The following DYNC2I1 variants were observed in gnomAD, a reference collection of about 807,000 sequenced individuals.
DYNC2I1 encodes the protein cytoplasmic dynein 2 intermediate chain 1.
In DYNC2I1, 89 loss-of-function variants were observed where a neutral mutation model predicts 133.4. That is an observed-to-expected ratio of 0.67 (90% CI 0.56 to 0.80). The LOEUF (loss-of-function observed/expected upper bound fraction) is 0.80. DYNC2I1 is among the 30% of genes least tolerant of loss of function. DYNC2I1 has a pLI of 0.00. For missense variants in DYNC2I1, 1,291 were observed against 1,314.5 expected (o/e 0.98, Z 0.28); for synonymous variants, 504 against 484.3 (o/e 1.04, Z -0.54).
intron 3 of DYNC2I1, among the ~76,000 whole-genome samples, chr7:158,873,784 TCTCA>T (rs1455796778): frequency 6.6e-6 from 1 of 151,884 alleles, no homozygotes; most frequent in Non-Finnish European, 1.5e-5. Context: ...GGAGATAGAG[TCTCA>T]CTCTGTTGCC....
chr7:158,951,893 T>C (rs988230844), intron 4 of DYNC2I1, among the ~76,000 whole-genome samples: 9 of 152,042 alleles, frequency 5.9e-5, no homozygotes, highest in African/African-American at 2.2e-4. Context: ...TCCAGGGAGT[T>C]TTAGAAGGAT....
At chr7:158,844,140 C>A in the DYNC2I1 span, among the ~76,000 whole-genome samples, 1 of 152,190 alleles carries the variant, frequency 6.6e-6, no homozygotes, top group Non-Finnish European at 1.5e-5. Context: ...CTCTCTCTCT[C>A]GTTTTTCTTT....
intron 1 of DYNC2I1, among the ~76,000 whole-genome samples, chr7:158,860,457 T>A (rs1841772201): frequency 6.6e-6 from 1 of 152,238 alleles, no homozygotes; most frequent in African/African-American, 2.4e-5. Flanking sequence ...AATAGTTTTA[T>A]GTTCTTTATT....
chr7:158,858,677 C>A (rs1841551902), intron 1 of DYNC2I1, among the ~76,000 whole-genome samples: 1 of 152,090 alleles, frequency 6.6e-6, no homozygotes, highest in Non-Finnish European at 1.5e-5. Context: ...AAATTGTTTT[C>A]TAGACATGCA....
intron 23 of DYNC2I1, among the ~76,000 whole-genome samples, chr7:158,939,597 A>G (rs1851119687): frequency 1.3e-5 from 2 of 152,224 alleles, no homozygotes; most frequent in Admixed American, 6.5e-5. Context: ...AAGCAACAAA[A>G]TGGCAGTAGA....
At chr7:158,869,797 A>G in intron 1 of DYNC2I1, 58 bp from the exon 2 acceptor site, 10 of 1,390,416 alleles carry the variant, frequency 7.2e-6, no homozygotes, top group Non-Finnish European at 9.9e-6. Flanking sequence ...AAAGCAGCTC[A>G]CTACAACACT....
Position 158,926,294 on chromosome 7 carries a change from C to G in DYNC2I1, c.2365C>G (p.Gln789Glu). Residue 789 changes from glutamine to glutamate, a missense_variant, in exon 18 of 25, where the codon CAA (glutamine) becomes GAA (glutamate). Coordinates refer to ENST00000407559, the MANE Select transcript of DYNC2I1 (RefSeq NM_018051.5). ...CTTTGTGCTTTCACCCTTTTCTACT[C>G]AAGAAGGTACGTGATTCTTCACTTT... ...QSFVLSPFST[Q>E]EEMSGLSFHI... 6.2e-7 allele frequency: 1 copy of G among 1,610,846 alleles called. No individual in the cohort carries two copies. The highest frequency in any genetic ancestry group is 1.3e-5 in the African/African-American group (1 of 75,028).
At chr7:158,866,664 C>T (rs1460222364) in intron 1 of DYNC2I1, among the ~76,000 whole-genome samples, 2 of 151,648 alleles carry the variant, frequency 1.3e-5, no homozygotes, top group African/African-American at 2.4e-5. Flanking sequence ...GTGGGGGGCT[C>T]ACCTGAGGTT....
Position 158,927,512 on chromosome 7 carries a change from C to T in DYNC2I1, c.2485+469C>T, listed in dbSNP as rs191210834. 1.9e-4 allele frequency among the ~76,000 whole-genome samples: 28 copies of T among 150,516 alleles called. No homozygotes were observed. The East Asian group carries it at 1.9e-3, about 10-fold the overall frequency. ...TCATATAACCTTATAAACTGTTGAA[C>T]GGGCATCTCAATTAACTAGAATAAT... is the stretch of plus-strand genomic sequence containing the variant. On this transcript the variant is annotated intron_variant, in intron 20 of 24. Coordinates refer to ENST00000407559, the MANE Select transcript of DYNC2I1 (RefSeq NM_018051.5).
intron 14 of DYNC2I1, among the ~76,000 whole-genome samples, chr7:158,915,412 T>C (rs1260498517): frequency 7.9e-6 from 1 of 126,290 alleles, no homozygotes; most frequent in Non-Finnish European, 1.8e-5. Context: ...TTAAGGATGA[T>C]TGTGAAACGT....
chr7:158,856,510 G>A (rs866881384), upstream of DYNC2I1: 15 of 405,964 alleles, frequency 3.7e-5, 1 homozygote, highest in Middle Eastern at 1.9e-3. Context: ...GCCTTCCCCT[G>A]CTCCTGCCTG....
intron 7 of DYNC2I1, among the ~76,000 whole-genome samples, chr7:158,887,688 G>T (rs374392206): frequency 6.6e-6 from 1 of 152,218 alleles, no homozygotes; most frequent in East Asian, 1.9e-4. Flanking sequence ...TTGTGTTACA[G>T]ATCTCCCCAC....
intron 23 of DYNC2I1, among the ~76,000 whole-genome samples, chr7:158,937,622 G>GAAAAAAAAAAAAAAAAAAAAAAAA (rs71189438): frequency 9.1e-5 from 10 of 109,448 alleles, no homozygotes; most frequent in African/African-American, 1.1e-4. Context: ...ACTGTCTCAA[G>GAAAAAAAAAAAAAAAAAAAAAAAA]AAAAAAAAAA....
the DYNC2I1 span, among the ~76,000 whole-genome samples, chr7:158,843,095 T>TTTTG: frequency 6.6e-6 from 1 of 152,182 alleles, no homozygotes; most frequent in African/African-American, 2.4e-5. Flanking sequence ...GATTGGCTTT[T>TTTTG]TTTGTTTGTT....
chr7:158,880,501 A>G (rs1253530937), intron 5 of DYNC2I1, among the ~76,000 whole-genome samples: 1 of 152,194 alleles, frequency 6.6e-6, no homozygotes, highest in Non-Finnish European at 1.5e-5. Context: ...CATAGGTTGC[A>G]GTGAGCTGAG....
intron 17 of DYNC2I1, 75 bp downstream of exon 17, chr7:158,923,808 G>A (rs1849342714): frequency 1.3e-6 from 2 of 1,537,162 alleles, no homozygotes; most frequent in Admixed American, 4.2e-5. Context: ...GCTTTACATG[G>A]ATTTGCATTT....
At chr7:158,874,564 C>T (rs1433600998) in intron 3 of DYNC2I1, among the ~76,000 whole-genome samples, 4 of 152,102 alleles carry the variant, frequency 2.6e-5, no homozygotes, top group Admixed American at 2.0e-4. Context: ...GAAAACTGAT[C>T]GTAGACTAGA....
At chr7:158,870,707 A>G (rs926246806) in intron 2 of DYNC2I1, among the ~76,000 whole-genome samples, 13 of 151,828 alleles carry the variant, frequency 8.6e-5, no homozygotes, top group African/African-American at 3.1e-4. Context: ...TTTATTTTCC[A>G]TATTTTGGGG....
chr7:158,941,860 G>T (rs1014532571), intron 23 of DYNC2I1, 65 bp from the exon 24 acceptor site: 26 of 1,522,792 alleles, frequency 1.7e-5, no homozygotes, highest in Non-Finnish European at 2.0e-5. Context: ...CTGGGTGACA[G>T]AGTGAGACCC....
Sources: gnomAD v4.1 joint callset for allele counts (sites outside exome capture counted in the v4.1 genomes callset) on GRCh38, gnomAD v4.1.1 for gene constraint, MANE v1.5 for transcripts, NCBI Gene and HGNC (gene_info 2026-07-23, HGNC 2026-07-21) for gene names.